The following CIC variants were observed in gnomAD, a reference collection of about 807,000 sequenced individuals.
CIC encodes the protein protein capicua homolog.
Under a neutral mutation model 115.7 loss-of-function variants are expected in CIC, and 18 were observed. The ratio of observed to expected loss-of-function variants is 0.16; its 90% CI spans 0.11 to 0.23. The LOEUF is 0.23. Ranked by LOEUF, CIC falls within the 10% of genes least tolerant of loss-of-function variation. The probability of loss-of-function intolerance (pLI) is 1.00; values close to 1 mark genes in which losing one functional copy is unlikely to be tolerated. For synonymous variants in CIC, 1,076 were observed against 923.0 expected (o/e 1.17, Z -3.01); for missense variants, 2,000 against 2,159.3 (o/e 0.93, Z 1.46).
Position 42,289,216 on chromosome 19 carries a change from G to A in CIC, c.3897G>A (p.Lys1299=). 6.2e-7 allele frequency: 1 copy of A among 1,613,308 alleles called. No individual in the cohort carries two copies. Among genetic ancestry groups the A allele is most frequent in the East Asian group, 2.2e-5 (1 of 44,878 alleles). ...VSGPASYSGP[K]PSTQYGAPGP... ...GCCCTGCATCGTACTCTGGCCCAAAGCCTTCTACCCAGTATGGAGCTCCAG... is the reference window on the plus strand; with the variant it reads ...GCCCTGCATCGTACTCTGGCCCAAAACCTTCTACCCAGTATGGAGCTCCAG... Residue 1299 remains lysine, a synonymous_variant, in exon 9 of 21, where the codon AAG becomes AAA. Transcript: ENST00000681038.
In CIC at chr19:42,294,984, C is replaced by A. The variant is rs754739201; in HGVS notation, c.7347C>A (p.Pro2449=). Residue 2449 remains proline, a synonymous_variant, in exon 21 of 21, where the codon CCC becomes CCA. Transcript: ENST00000681038. Reference sequence around the variant, plus strand: ...AGGCTCCTCTCCCTGTACCGCCCCCCACTGGCACCGCTGCTGCCCCTGCCC... The same window carrying A: ...AGGCTCCTCTCCCTGTACCGCCCCCAACTGGCACCGCTGCTGCCCCTGCCC... The part of the protein sequence containing the change: ...GAEAPLPVPP[P]TGTAAAPAPT... 3.0e-5 allele frequency: 48 copies of A among 1,599,100 alleles called. 1 individual carries two copies. Among genetic ancestry groups the A allele is most frequent in the East Asian group, 2.5e-4 (11 of 44,864 alleles).
In CIC at chr19:42,290,982, C is replaced by G; in HGVS notation, c.4941C>G (p.Thr1647=). 2 of 1,613,796 alleles carry G rather than the reference C, an allele frequency of 1.2e-6. No individual in the cohort carries two copies. The highest frequency in any genetic ancestry group is 1.7e-6 in the Non-Finnish European group (2 of 1,180,018). ...CGGACAAGAAGTCGGCAGCAGCCAC[C>G]TCACCAGCCCCACACTTGGTGGCTG... is the stretch of plus-strand genomic sequence containing the variant. ...VYSDKKSAAA[T]SPAPHLVAGP... The change falls in exon 11 of 21, where the codon ACC becomes ACG. Residue 1647 remains threonine (T), a synonymous_variant. Coordinates refer to ENST00000681038, the MANE Select transcript of CIC (RefSeq NM_001386298.1).
intron 20 of CIC, 30 bp from the exon 21 acceptor site, chr19:42,294,794 C>A (rs749658400): frequency 1.2e-6 from 2 of 1,607,292 alleles, no homozygotes; most frequent in Non-Finnish European, 1.7e-6. Flanking sequence ...ACATCTCATC[C>A]TGTGCTCCCC....
At chr19:42,281,378 T>C (rs1393716264) in intron 2 of CIC, among the ~76,000 whole-genome samples, 1 of 152,158 alleles carries the variant, frequency 6.6e-6, no homozygotes, top group Non-Finnish European at 1.5e-5. Context: ...CCTCAGCCTG[T>C]ACCGCCCGCC....
At chr19:42,285,448 T>C (rs2037565821) in intron 2 of CIC, among the ~76,000 whole-genome samples, 1 of 152,152 alleles carries the variant, frequency 6.6e-6, no homozygotes, top group African/African-American at 2.4e-5. Flanking sequence ...ATCGTAGTCT[T>C]GAGTGCTCTT....
At chr19:42,276,200 G>A (rs2036970397) in intron 2 of CIC, among the ~76,000 whole-genome samples, 1 of 152,230 alleles carries the variant, frequency 6.6e-6, no homozygotes, top group Non-Finnish European at 1.5e-5. Flanking sequence ...ATATTTGTAA[G>A]ATGTTGAATC....
chr19:42,292,206 A>G lies in CIC; in HGVS notation c.5734A>G (p.Arg1912Gly). ...PQKVLLPSST[R>G]ITYVQSAGGH... ...GAAGGTCCTGTTGCCCTCCTCCACC[A>G]GGTAATTGCAGCTGAGCCCATACTC... Residue 1912 changes from arginine (R) to glycine (G), a missense_variant and splice_region_variant, in exon 13 of 21, where the codon AGA becomes GGA. Transcript: ENST00000681038. 1 of 1,613,750 alleles carries G rather than the reference A, an allele frequency of 6.2e-7. No individual in the cohort carries two copies. The highest frequency in any genetic ancestry group is 2.2e-5 in the East Asian group (1 of 44,840).
rs1229341775 is a variant in CIC, at chr19:42,290,414, CCTT to C, written c.4376_4378del (p.Phe1459del). On this transcript the variant is annotated inframe_deletion, in exon 11 of 21. Coordinates refer to ENST00000681038, the MANE Select transcript of CIC (RefSeq NM_001386298.1). The stretch of plus-strand genomic sequence containing the variant: ...TCCTCCTCAGCCTCGGCAGCCACCT[CCTT>C]CTCACTGGGCTCAGGAACCTTCAAG... 47 of 1,614,032 alleles carry C rather than the reference CCTT, an allele frequency of 2.9e-5. No individual in the cohort carries two copies. Among genetic ancestry groups the C allele is most frequent in the Non-Finnish European group, 4.0e-5 (47 of 1,179,990 alleles).
At position 42,274,090 on chromosome 19, in the gene CIC, T is replaced by C; in HGVS notation, c.2307T>C (p.Pro769=). Residue 769 remains proline (P), a synonymous_variant, in exon 2 of 21, where the codon CCT becomes CCC. Transcript: ENST00000681038. Reference sequence around the variant, plus strand: ...CGGCTGGCTTCCGGGCCGTGTCCCCTGCTGTGCCCTTCTCTCGCTCCCGCC... The same window carrying C: ...CGGCTGGCTTCCGGGCCGTGTCCCCCGCTGTGCCCTTCTCTCGCTCCCGCC... ...STPAGFRAVS[P]AVPFSRSRQP... is the part of the protein sequence containing the mutation. 1 of 400,158 alleles carries C rather than the reference T, an allele frequency of 2.5e-6. No individual in the cohort carries two copies. The highest frequency in any genetic ancestry group is 2.0e-5 in the African/African-American group (1 of 48,800). 24.8% of individuals were successfully genotyped at this position (400,158 alleles called of 1,614,324 possible).
rs777429315 is a variant in CIC, at chr19:42,287,079, C to G, written c.3018C>G (p.Pro1006=). 6.2e-7 allele frequency: 1 copy of G among 1,613,030 alleles called. No individual in the cohort carries two copies. Among genetic ancestry groups the G allele is most frequent in the African/African-American group, 1.3e-5 (1 of 74,902 alleles). ...CAGGGAGTGCTGACCCTGAGCGGCC[C>G]CCTGGAGCCACATGCCCTGAGAGCC... is the stretch of plus-strand genomic sequence containing the variant. The part of the protein sequence containing the change: ...GGTGSADPER[P]PGATCPESPG... The change falls in exon 4 of 21, where the codon CCC becomes CCG. Residue 1006 remains proline (P), a synonymous_variant. Transcript: ENST00000681038. The surrounding 1 kb of genome is among the most constrained non-coding windows in gnomAD (Gnocchi z 8.7).
At position 42,293,659 on chromosome 19, in the gene CIC, A is replaced by T. The variant is rs1162860980; in HGVS notation, c.6590A>T (p.Glu2197Val). 6.2e-7 allele frequency: 1 copy of T among 1,612,774 alleles called. No homozygotes were observed. The highest frequency in any genetic ancestry group is 1.1e-5 in the South Asian group (1 of 91,004). The change falls in exon 17 of 21, where the codon GAG (glutamate) becomes GTG (valine). Residue 2197 changes from glutamate to valine, a missense_variant. Coordinates refer to ENST00000681038, the MANE Select transcript of CIC (RefSeq NM_001386298.1). Reference protein sequence around the residue: ...VPGQGLENRGEPPTPPSPAPA... With the variant: ...VPGQGLENRGVPPTPPSPAPA... ...GGGCAGGGCCTGGAGAATCGTGGGGAGCCTCCCACTCCTCCCAGCCCGGCC... is the reference window on the plus strand; with the variant it reads ...GGGCAGGGCCTGGAGAATCGTGGGGTGCCTCCCACTCCTCCCAGCCCGGCC...
At chr19:42,293,360 CTCT>C in intron 16 of CIC, 79 bp downstream of exon 16, 1 of 1,446,646 alleles carries the variant, frequency 6.9e-7, no homozygotes, top group African/African-American at 1.4e-5. Flanking sequence ...TTCTGTCCTA[CTCT>C]TCTTTCCATG....
At chr19:42,284,674 A>AGCCCCTGCCGGGTC (rs1431564623) in intron 2 of CIC, 2 of 1,523,676 alleles carry the variant, frequency 1.3e-6, no homozygotes, top group African/African-American at 2.8e-5. Flanking sequence ...AGGAGGTGCG[A>AGCCCCTGCCGGGTC]GCCCCTGCCG....
Position 42,292,151 on chromosome 19 carries a change from C to T in CIC, c.5679C>T (p.Ala1893=). 1 of 1,614,066 alleles carries T rather than the reference C, an allele frequency of 6.2e-7. No homozygotes were observed. Among genetic ancestry groups the T allele is most frequent in the Non-Finnish European group, 8.5e-7 (1 of 1,180,032 alleles). The change falls in exon 13 of 21, where the codon GCC becomes GCT. Residue 1893 remains alanine (A), a synonymous_variant. Transcript: ENST00000681038. The stretch of plus-strand genomic sequence containing the variant: ...GCCTGGTGCCGCCCCTGAGCCCAGC[C>T]ACACTCCCTGGACCCACCTCTCAGC... The part of the protein sequence containing the change: ...PSGLVPPLSP[A]TLPGPTSQPQ...
rs2147204625 is a variant in CIC, at chr19:42,287,790, G to A, written c.3493-20G>A. 1 of 1,614,094 alleles carries A rather than the reference G, an allele frequency of 6.2e-7. No homozygotes were observed. The highest frequency in any genetic ancestry group is 8.5e-7 in the Non-Finnish European group (1 of 1,179,986). ...TGGTGGGGTGGGTGAGTGAAGGGTT[G>A]CCCTGCCCTCTCCTGCCAGGTGAAG... On this transcript the variant is annotated intron_variant, in intron 6 of 20. Transcript: ENST00000681038. This position sits in a 1 kb window ranked among gnomAD's most constrained non-coding sequence, Gnocchi z 8.7.
Position 42,280,534 on chromosome 19 carries a change from T to C in CIC, c.2794+5957T>C, listed in dbSNP as rs2037184049. ...CCGCTGATTGGCCGAGACCTGCTTC[T>C]CCGCCCCTGAGCGATTAACCCCTGC... is the stretch of plus-strand genomic sequence containing the variant. On this transcript the variant is annotated intron_variant, in intron 2 of 20. Transcript: ENST00000681038. The surrounding 1 kb of genome is among the most constrained non-coding windows in gnomAD (Gnocchi z 4.9). 6.6e-6 allele frequency among the ~76,000 whole-genome samples: 1 copy of C among 152,102 alleles called. No individual in the cohort carries two copies.
At chr19:42,289,810 C>G (rs1038275506) in intron 9 of CIC, 38 bp from the exon 10 acceptor site, 3 of 1,508,088 alleles carry the variant, frequency 2.0e-6, no homozygotes, top group Non-Finnish European at 2.7e-6. Context: ...CCCCCTGCAT[C>G]TAGCCCCCTC....
Position 42,290,331 on chromosome 19 carries a change from TGTA to T in CIC, c.4292_4294del (p.Val1431del), listed in dbSNP as rs771326590. ...AGCCCCCAGGGCCCCCGGATCCTCC[TGTA>T]GCCTTTGGCAAAGGCTATGGTTCCG... On this transcript the variant is annotated inframe_deletion, in exon 11 of 21. Transcript: ENST00000681038. 6.2e-7 allele frequency: 1 copy of T among 1,614,094 alleles called. No homozygotes were observed. The highest frequency in any genetic ancestry group is 8.5e-7 in the Non-Finnish European group (1 of 1,179,992).
Position 42,293,300 on chromosome 19 carries a change from T to TG in CIC, c.6522+23dup. The TG allele has an allele frequency of 6.4e-7, 1 of 1,552,156 alleles. No individual in the cohort carries two copies. The highest frequency in any genetic ancestry group is 8.7e-7 in the Non-Finnish European group (1 of 1,151,708). On this transcript the variant is annotated intron_variant, in intron 16 of 20. Coordinates refer to ENST00000681038, the MANE Select transcript of CIC (RefSeq NM_001386298.1). ...GACCATGGTGAGCGCCTGCAGGCCG[T>TG]GGGGCTCCCACTGCCACTTGGCTGT...
Sources: gnomAD v4.1 joint callset for allele counts (sites outside exome capture counted in the v4.1 genomes callset) on GRCh38, gnomAD v4.1.1 for gene constraint, Gnocchi (gnomAD v3.1) non-coding constraint, MANE v1.5 for transcripts, NCBI Gene and HGNC (gene_info 2026-07-23, HGNC 2026-07-21) for gene names.